The following TRERF1 variants were observed in gnomAD, a reference collection of about 807,000 sequenced individuals.
The protein encoded by TRERF1 is transcriptional-regulating factor 1.
Under a neutral mutation model 122.9 loss-of-function variants are expected in TRERF1, and 27 were observed. The observed-to-expected ratio is 0.22, with a 90% CI of 0.16 to 0.30. TRERF1 has a LOEUF of 0.30. Ranked by LOEUF, TRERF1 falls within the 10% of genes least tolerant of loss-of-function variation. The pLI is 1.00. For synonymous variants in TRERF1, 636 were observed against 641.7 expected, an observed-to-expected ratio of 0.99 and a Z score of 0.13; for missense variants, 1,248 against 1,560.3, an observed-to-expected ratio of 0.80 and a Z score of 3.37.
At chr6:42,333,517 G>T (rs535809098) in intron 3 of TRERF1, among the ~76,000 whole-genome samples, 1 of 152,328 alleles carries the variant, frequency 6.6e-6, no homozygotes, top group African/African-American at 2.4e-5. Context: ...ATCTGCGGTG[G>T]CCGCATCAGT....
At position 42,358,850 on chromosome 6, in the gene TRERF1, A is replaced by G. The variant is rs1163217828; in HGVS notation, c.-371+4147T>C. Among the ~76,000 whole-genome samples the G allele has an allele frequency of 1.3e-4, 18 of 142,716 alleles. 1 individual carries two copies. Among genetic ancestry groups the G allele is most frequent in the Middle Eastern group, 3.6e-3 (1 of 278 alleles). 93.6% of individuals were successfully genotyped at this position (142,716 alleles called of 152,430 possible). A position where few individuals can be genotyped will look rare whatever the true frequency, so the allele number is the denominator to read the frequency against. On this transcript the variant is annotated intron_variant, in intron 3 of 17. Transcript: ENST00000372922. The stretch of plus-strand genomic sequence containing the variant: ...AGGCAATCTTCATTTGAGAACCACT[A>G]GTTTACAGCACTCTCTGAGCCAAGG...
chr6:42,326,357 G>A (rs575783188), intron 3 of TRERF1, among the ~76,000 whole-genome samples: 7 of 152,238 alleles, frequency 4.6e-5, no homozygotes, highest in Admixed American at 2.6e-4. Flanking sequence ...TCTGACGCCC[G>A]TCTCTCTTGG....
exon 7 of TRERF1, chr6:42,264,747 A>G (rs1483258027): frequency 6.2e-7 from 1 of 1,614,110 alleles, no homozygotes. Context: ...GTGGGACCGC[A>G]TGTGGCCATT....
intron 2 of TRERF1, among the ~76,000 whole-genome samples, chr6:42,387,208 C>G (rs985813621): frequency 6.6e-6 from 1 of 152,186 alleles, no homozygotes; most frequent in Non-Finnish European, 1.5e-5. Flanking sequence ...CCACTCTGCC[C>G]CAAGAAATGT....
chr6:42,340,887 C>T (rs370594502), intron 3 of TRERF1, among the ~76,000 whole-genome samples: 74 of 152,190 alleles, frequency 4.9e-4, no homozygotes, highest in Non-Finnish European at 6.9e-4. Context: ...CTCCATAACA[C>T]CCCTAGCTGA....
At chr6:42,418,159 G>GGTTGGTTC (rs1205093071) in intron 2 of TRERF1, among the ~76,000 whole-genome samples, 7 of 150,196 alleles carry the variant, frequency 4.7e-5, no homozygotes, top group African/African-American at 1.7e-4. Flanking sequence ...TGGGACCAGA[G>GGTTGGTTC]GTTGGTTCGT....
chr6:42,440,746 T>G (rs964245592), intron 2 of TRERF1, among the ~76,000 whole-genome samples: 4 of 152,182 alleles, frequency 2.6e-5, no homozygotes, highest in Non-Finnish European at 5.9e-5. Context: ...TACAGCATTT[T>G]GGGGTGGCAG....
rs1483108726 is a variant in TRERF1 at position 42,228,408 on chromosome 6, C to T, written c.3540G>A (p.Val1180=). ...GATCATCCAAGAGAAGATCGGTGTC[C>T]ACAACTTCAGCCTCTTCCATGACAC... is the stretch of plus-strand genomic sequence containing the variant. The change falls in exon 18 of 18, where the codon GTG becomes GTA. Residue 1180 remains valine (V), a synonymous_variant. Transcript: ENST00000372922. This position sits in a 1 kb window ranked among gnomAD's most constrained non-coding sequence, Gnocchi z 4.2. 2.5e-6 allele frequency: 4 copies of T among 1,614,170 alleles called. No individual in the cohort carries two copies. The highest frequency in any genetic ancestry group is 3.4e-6 in the Non-Finnish European group (4 of 1,180,036).
chr6:42,288,734 C>T (rs756945580), intron 4 of TRERF1, among the ~76,000 whole-genome samples: 5 of 151,900 alleles, frequency 3.3e-5, no homozygotes, highest in African/African-American at 7.3e-5. Flanking sequence ...TTCCAGATAG[C>T]GTCAAGGACA....
In TRERF1 at chr6:42,259,135, C is replaced by T. The variant is rs116097392; in HGVS notation, c.2269+204G>A. ...CAGAGACTGTAGTGATCACTTTATG[C>T]ATCTGTCTCCCAATTAGACTGCGAT... On this transcript the variant is annotated intron_variant, in intron 9 of 17. Coordinates refer to ENST00000372922, the Ensembl canonical transcript of TRERF1. The surrounding 1 kb of genome is among the most constrained non-coding windows in gnomAD (Gnocchi z 4.9). Among the ~76,000 whole-genome samples, 594 of 152,298 alleles carry T rather than the reference C, an allele frequency of 3.9e-3. 2 individuals are homozygous for T. Among genetic ancestry groups the T allele is most frequent in the African/African-American group, 0.013 (560 of 41,560 alleles).
At chr6:42,444,151 G>C (rs1787042713) in intron 2 of TRERF1, among the ~76,000 whole-genome samples, 1 of 146,496 alleles carries the variant, frequency 6.8e-6, no homozygotes, top group African/African-American at 2.5e-5. Context: ...TTTTGTGAAA[G>C]ACAACCTAAA....
intron 2 of TRERF1, among the ~76,000 whole-genome samples, chr6:42,367,624 C>T (rs569013838): frequency 6.6e-6 from 1 of 152,270 alleles, no homozygotes; most frequent in South Asian, 2.1e-4. Context: ...GGCTTCTCCT[C>T]ACCCCAAGCA....
intron 2 of TRERF1, among the ~76,000 whole-genome samples, chr6:42,419,570 C>G (rs1782462565): frequency 6.6e-6 from 1 of 152,166 alleles, no homozygotes; most frequent in Admixed American, 6.5e-5. Flanking sequence ...ATTCACAAGA[C>G]ACAATCCCTG....
intron 3 of TRERF1, among the ~76,000 whole-genome samples, chr6:42,313,719 G>T (rs562733308): frequency 6.6e-6 from 1 of 152,294 alleles, no homozygotes; most frequent in East Asian, 1.9e-4. Context: ...GGCTGGCAGG[G>T]TTGGCCAGGT....
chr6:42,291,547 T>C (rs962338929), intron 4 of TRERF1, among the ~76,000 whole-genome samples: 6 of 152,110 alleles, frequency 3.9e-5, no homozygotes, highest in African/African-American at 1.2e-4. Flanking sequence ...TGTTTGTTTG[T>C]TTTTGAGATG....
rs1312518735 is a variant in TRERF1 at position 42,275,755 on chromosome 6, T to C, written c.-258-5907A>G. 1.3e-5 allele frequency among the ~76,000 whole-genome samples: 2 copies of C among 152,218 alleles called. No homozygotes were observed. Among genetic ancestry groups the C allele is most frequent in the Non-Finnish European group, 2.9e-5 (2 of 68,040 alleles). The stretch of plus-strand genomic sequence containing the variant: ...AAAGCACCAAATTTATGGAGTGCTG[T>C]AGATAATAACAAGGCTCTACAGAGA... On this transcript the variant is annotated intron_variant, in intron 4 of 17. Transcript: ENST00000372922. The surrounding 1 kb of genome is among the most constrained non-coding windows in gnomAD (Gnocchi z 4.1).
chr6:42,337,774 T>C (rs1449231018), intron 3 of TRERF1, among the ~76,000 whole-genome samples: 1 of 152,198 alleles, frequency 6.6e-6, no homozygotes, highest in African/African-American at 2.4e-5. Flanking sequence ...TCAATGGTTC[T>C]CAACCTTGGC....
chr6:42,350,609 A>ACAGG (rs1325680663), intron 3 of TRERF1, among the ~76,000 whole-genome samples: 5 of 152,190 alleles, frequency 3.3e-5, no homozygotes, highest in Admixed American at 1.3e-4. Context: ...CATCTTCTTG[A>ACAGG]TGACGAGTTT....
chr6:42,288,735 G>A (rs1306558889), intron 4 of TRERF1, among the ~76,000 whole-genome samples: 3 of 152,084 alleles, frequency 2.0e-5, no homozygotes, highest in East Asian at 1.9e-4. Context: ...TCCAGATAGC[G>A]TCAAGGACAG....
Sources: gnomAD v4.1 joint callset for allele counts (sites outside exome capture counted in the v4.1 genomes callset) on GRCh38, gnomAD v4.1.1 for gene constraint, Gnocchi (gnomAD v3.1) non-coding constraint, MANE v1.5 for transcripts, NCBI Gene and HGNC (gene_info 2026-07-23, HGNC 2026-07-21) for gene names.